BACH2: variants seen among roughly 807,000 people sequenced by gnomAD.
The protein encoded by BACH2 is transcription regulator protein BACH2.
A neutral mutation model predicts 61.8 loss-of-function variants in BACH2; 5 were observed. That is an observed-to-expected ratio of 0.08 (90% CI 0.04 to 0.17). The LOEUF (loss-of-function observed/expected upper bound fraction) is 0.17. BACH2 is among the 10% of genes least tolerant of loss of function. The pLI is 1.00. For synonymous variants in BACH2, 446 were observed against 440.1 expected (o/e 1.01, Z -0.17); for missense variants, 824 against 1,091.1 (o/e 0.76, Z 3.45).
intron 6 of BACH2, among the ~76,000 whole-genome samples, chr6:89,986,172 G>C (rs1043785889): frequency 3.9e-5 from 6 of 152,276 alleles, no homozygotes; most frequent in Non-Finnish European, 5.9e-5. Flanking sequence ...CATGGATGGG[G>C]GAGCTCTGTA....
rs1772625722 is a variant in BACH2, at chr6:89,931,223, G to A, written c.*1185C>T. On this transcript the variant is annotated 3_prime_UTR_variant, in exon 9 of 9. Transcript: ENST00000257749. Reference sequence around the variant, plus strand: ...ATTCCTGTTTTTCTGATGTACTTTTGAGTGAGATGTCCAAACTCTCTCCCC... The same window carrying A: ...ATTCCTGTTTTTCTGATGTACTTTTAAGTGAGATGTCCAAACTCTCTCCCC... 6.6e-6 allele frequency: 1 copy of A among 152,288 alleles called. No individual in the cohort carries two copies. Among genetic ancestry groups the A allele is most frequent in the Non-Finnish European group, 1.5e-5 (1 of 68,038 alleles). 9.4% of individuals were successfully genotyped at this position (152,288 alleles called of 1,614,324 possible). A position where few individuals can be genotyped will look rare whatever the true frequency, so the allele number is the denominator to read the frequency against.
At chr6:89,997,481 A>T (rs866184084) in intron 6 of BACH2, among the ~76,000 whole-genome samples, 6 of 152,174 alleles carry the variant, frequency 3.9e-5, no homozygotes, top group Admixed American at 2.0e-4. Flanking sequence ...GCTACTACAG[A>T]TCCACTTGGC....
At chr6:90,284,084 TAC>T (rs1331406099) in intron 1 of BACH2, among the ~76,000 whole-genome samples, 1 of 152,158 alleles carries the variant, frequency 6.6e-6, no homozygotes, top group Admixed American at 6.5e-5. Flanking sequence ...ATGTTGGTCT[TAC>T]AGTCTAGAAA....
chr6:90,226,737 A>T (rs909629791), intron 3 of BACH2, among the ~76,000 whole-genome samples: 2 of 152,134 alleles, frequency 1.3e-5, no homozygotes, highest in African/African-American at 4.8e-5. Flanking sequence ...TCTGTCATCC[A>T]GGCTGGAGGG....
intron 5 of BACH2, among the ~76,000 whole-genome samples, chr6:90,086,326 A>T (rs1327547205): frequency 6.6e-6 from 1 of 152,004 alleles, no homozygotes; most frequent in East Asian, 1.9e-4. Context: ...TCAATTCCCT[A>T]CTTTCACTTT....
At chr6:90,121,735 G>A (rs1783634651) in intron 4 of BACH2, among the ~76,000 whole-genome samples, 1 of 152,044 alleles carries the variant, frequency 6.6e-6, no homozygotes, top group Non-Finnish European at 1.5e-5. Flanking sequence ...TAGTAGAGAT[G>A]GGGTTTCACC....
chr6:90,277,384 G>A (rs988106330), intron 1 of BACH2, among the ~76,000 whole-genome samples: 1 of 152,186 alleles, frequency 6.6e-6, no homozygotes, highest in South Asian at 2.1e-4. Flanking sequence ...AAAGAAGTTA[G>A]ACACAAAATA....
intron 5 of BACH2, among the ~76,000 whole-genome samples, chr6:90,031,602 C>A (rs1409512470): frequency 6.6e-6 from 1 of 152,128 alleles, no homozygotes; most frequent in East Asian, 1.9e-4. Flanking sequence ...CTCCCATTCA[C>A]AATTGCTTCA....
At position 90,116,881 on chromosome 6, in the gene BACH2, C is replaced by T. The variant is rs191368435; in HGVS notation, c.-161-27772G>A. On this transcript the variant is annotated intron_variant, in intron 4 of 8. Coordinates refer to ENST00000257749, the MANE Select transcript of BACH2 (RefSeq NM_021813.4). ...TGATATTTGATAGATGCCTCCAGGACCAAGGGATGTCTTTTTTCTGTCTTT... is the reference window on the plus strand; with the variant it reads ...TGATATTTGATAGATGCCTCCAGGATCAAGGGATGTCTTTTTTCTGTCTTT... 264 of 627,360 alleles carry T rather than the reference C, an allele frequency of 4.2e-4. 1 individual carries two copies. Among genetic ancestry groups the T allele is most frequent in the Admixed American group, 1.6e-3 (50 of 30,738 alleles). The allele number at this position is 627,360 out of a possible 1,614,324, so 38.9% of individuals were successfully genotyped here. A position where few individuals can be genotyped will look rare whatever the true frequency, so the allele number is the denominator to read the frequency against.
intron 4 of BACH2, among the ~76,000 whole-genome samples, chr6:90,174,053 G>A (rs1033835905): frequency 6.6e-6 from 1 of 151,918 alleles, no homozygotes; most frequent in Non-Finnish European, 1.5e-5. Context: ...TTAATTCCCT[G>A]GGAAGATATA....
intron 5 of BACH2, among the ~76,000 whole-genome samples, chr6:90,009,776 T>C (rs552182961): frequency 2.2e-4 from 33 of 152,366 alleles, no homozygotes; most frequent in African/African-American, 7.7e-4. Flanking sequence ...GTGATTCTCC[T>C]GCCTCCGCTT....
chr6:90,126,289 A>T (rs1783846837), intron 4 of BACH2, among the ~76,000 whole-genome samples: 1 of 152,226 alleles, frequency 6.6e-6, no homozygotes, highest in Admixed American at 6.5e-5. Context: ...ATAGATTATT[A>T]ACATGTTTGA....
At chr6:89,999,876 C>T (rs1777044791) in intron 6 of BACH2, among the ~76,000 whole-genome samples, 1 of 152,200 alleles carries the variant, frequency 6.6e-6, no homozygotes, top group South Asian at 2.1e-4. Context: ...GGTCATCCTA[C>T]ATCAGATAGG....
At chr6:89,999,794 A>T (rs1297557808) in intron 6 of BACH2, among the ~76,000 whole-genome samples, 1 of 152,188 alleles carries the variant, frequency 6.6e-6, no homozygotes, top group African/African-American at 2.4e-5. Flanking sequence ...TAACTATTTT[A>T]AAAAAATTGA....
In BACH2 at chr6:90,215,042, AC is replaced by A. The variant is rs909161528; in HGVS notation, c.-274-8362del. Among the ~76,000 whole-genome samples, 40 of 152,100 alleles carry A rather than the reference AC, an allele frequency of 2.6e-4. 1 individual carries two copies. The highest frequency in any genetic ancestry group is 2.4e-3 in the Admixed American group (37 of 15,268). Reference sequence around the variant, plus strand: ...ATTGCTGGGATTACAGGCATGAGCCACTGTATCTGGCCATATTCTGTACTTA... The same window carrying A: ...ATTGCTGGGATTACAGGCATGAGCCATGTATCTGGCCATATTCTGTACTTA... On this transcript the variant is annotated intron_variant, in intron 3 of 8. Transcript: ENST00000257749.
At chr6:90,238,141 C>T (rs529282186) in intron 3 of BACH2, among the ~76,000 whole-genome samples, 5 of 152,330 alleles carry the variant, frequency 3.3e-5, no homozygotes, top group African/African-American at 1.2e-4. Flanking sequence ...TGAAGTCATA[C>T]TCTATACGAA....
chr6:89,988,379 T>A (rs527770819), intron 6 of BACH2, among the ~76,000 whole-genome samples: 1 of 152,186 alleles, frequency 6.6e-6, no homozygotes, highest in Non-Finnish European at 1.5e-5. Context: ...TTTGTTTGAA[T>A]GGACAGCAGC....
chr6:90,029,390 G>A (rs964370756), intron 5 of BACH2, among the ~76,000 whole-genome samples: 2 of 152,016 alleles, frequency 1.3e-5, no homozygotes, highest in African/African-American at 2.4e-5. Flanking sequence ...TCAATCCCTG[G>A]CCTCCTCAGG....
chr6:90,075,815 T>C (rs547341883), intron 5 of BACH2, among the ~76,000 whole-genome samples: 1 of 152,286 alleles, frequency 6.6e-6, no homozygotes, highest in Admixed American at 6.5e-5. Context: ...TCAGGATCTC[T>C]ATCCATTCAG....
Sources: gnomAD v4.1 joint callset for allele counts (sites outside exome capture counted in the v4.1 genomes callset) on GRCh38, gnomAD v4.1.1 for gene constraint, MANE v1.5 for transcripts, NCBI Gene and HGNC (gene_info 2026-07-23, HGNC 2026-07-21) for gene names.